ADPRHL1: variants seen among roughly 807,000 people sequenced by gnomAD.
ADPRHL1 encodes the protein ADP-ribosylhydrolase like 1.
A neutral mutation model predicts 44.1 loss-of-function variants in ADPRHL1; 43 were observed. The observed-to-expected ratio is 0.98, with a 90% CI of 0.76 to 1.26. The LOEUF is 1.26. Ranked by LOEUF, ADPRHL1 falls within the 50% of genes most tolerant of loss-of-function variation. The pLI is 0.00. For missense variants in ADPRHL1, 2,022 were observed against 2,496.9 expected (o/e 0.81, Z 4.05); for synonymous variants, 878 against 1,017.4 (o/e 0.86, Z 2.61).
chr13:113,425,098 T>C lies in ADPRHL1; in HGVS notation c.728A>G (p.Asn243Ser). The C allele has an allele frequency of 6.2e-7, 1 of 1,613,686 alleles. No homozygotes were observed. The highest frequency in any genetic ancestry group is 1.1e-5 in the South Asian group (1 of 91,076). Residue 243 changes from asparagine to serine, a missense_variant, in exon 5 of 8, where the codon AAT (asparagine) becomes AGT (serine). Physicochemically the swap from Asn to Ser is conservative, Grantham distance 46. This residue lies in a region of ADPRHL1 where 437 missense variants were observed against 430.7 expected (regional missense o/e 1.01). Coordinates refer to ENST00000612156, the MANE Select transcript of ADPRHL1 (RefSeq NM_001394807.1). ...ATAATTGTCGGGGAAGATGGCTTTA[T>C]TTTCTGAGTCTTTACTGATTTTCCT... is the stretch of plus-strand genomic sequence containing the variant. ...EERKISKDSE[N>S]KAIFPDNYDA...
intron 6 of ADPRHL1, 21 bp downstream of exon 6, chr13:113,424,196 G>T: frequency 1.9e-6 from 3 of 1,612,106 alleles, no homozygotes; most frequent in Non-Finnish European, 2.5e-6. Context: ...AGGAAGCCAC[G>T]GCCATTAAGG....
chr13:113,421,500 G>GC (rs2043922720), intron 7 of ADPRHL1, among the ~76,000 whole-genome samples: 1 of 151,860 alleles, frequency 6.6e-6, no homozygotes, highest in African/African-American at 2.4e-5. Flanking sequence ...CCTGGGACAC[G>GC]CCTGCTCCTT....
rs572003308 is a variant in ADPRHL1, at chr13:113,407,630, A to G, written c.1652T>C (p.Leu551Pro). Residue 551 changes from leucine to proline, a missense_variant, in exon 8 of 8, where the codon CTG becomes CCG. By Grantham distance (98) the Leu-to-Pro change is moderately conservative. Around this residue, in one of 8 missense-constraint regions of ADPRHL1, gnomAD observed 1,221 missense variants for 1,517.8 expected, o/e 0.80. Coordinates refer to ENST00000612156, the MANE Select transcript of ADPRHL1 (RefSeq NM_001394807.1). ...GCTGTTCTGCTCGAACTTCTCCCGC[A>G]GCTTGGACAGCACCGAGCTCTTGCC... ...IMGKSSVLSK[L>P]REKFEQNSCL... The G allele has an allele frequency of 2.4e-6, 3 of 1,232,034 alleles. No individual in the cohort carries two copies. The highest frequency in any genetic ancestry group is 3.1e-5 in the African/African-American group (2 of 64,546). The allele number at this position is 1,232,034 out of a possible 1,614,324, so 76.3% of individuals were successfully genotyped here.
chr13:113,449,355 G>A (rs534955160), intron 1 of ADPRHL1: 252 of 375,764 alleles, frequency 6.7e-4, no homozygotes, highest in African/African-American at 5.3e-3. Context: ...CCTGTTCAGA[G>A]AGACACACCC....
rs117815536 is a variant in ADPRHL1, at chr13:113,404,925, G to A, written c.4357C>T (p.Arg1453Trp). Residue 1453 changes from arginine (R) to tryptophan (W), a missense_variant, in exon 8 of 8, where the codon CGG (arginine) becomes TGG (tryptophan). Arg to Trp is a moderately radical substitution (Grantham distance 101, BLOSUM62 -3). Coordinates refer to ENST00000612156, the MANE Select transcript of ADPRHL1 (RefSeq NM_001394807.1). ...TCTCCCCACGCCGTGCTCCGCCCCC[G>A]CTCCTCCCAGGGTCCCTGCAGATGC... ...QQHLQGPWEE[R>W]GRSTAWGEGT... 21,675 of 1,244,206 alleles carry A rather than the reference G, an allele frequency of 0.017. 214 individuals are homozygous for A. Among genetic ancestry groups the A allele is most frequent in the South Asian group, 0.02 (523 of 26,532 alleles). 77.1% of individuals were successfully genotyped at this position (1,244,206 alleles called of 1,614,324 possible).
chr13:113,430,089 G>A (rs554728485), intron 3 of ADPRHL1, among the ~76,000 whole-genome samples: 8 of 152,338 alleles, frequency 5.3e-5, no homozygotes, highest in Admixed American at 1.3e-4. Flanking sequence ...TGCACCTCAC[G>A]GAGCAGGTGG....
chr13:113,425,481 G>A (rs2043961632), intron 4 of ADPRHL1, among the ~76,000 whole-genome samples: 1 of 152,234 alleles, frequency 6.6e-6, no homozygotes, highest in Non-Finnish European at 1.5e-5. Flanking sequence ...TCGGCTCACT[G>A]CAACCTCTGC....
At chr13:113,419,062 CCTTCACTCCCTCCTTCCTTCCTT>C (rs1430604639) in intron 7 of ADPRHL1, among the ~76,000 whole-genome samples, 11 of 122,130 alleles carry the variant, frequency 9.0e-5, no homozygotes, top group South Asian at 7.0e-4. Flanking sequence ...TCTTCTCCTT[CCTTCACTCCCTCCTTCCTTCCTT>C]CTTCCCTCCC....
chr13:113,405,150 C>G lies in ADPRHL1; in HGVS notation c.4132G>C (p.Gly1378Arg), dbSNP rs1009282630. ...QERPLTQADL[G>R]RQQSHQAQEE... is the part of the protein sequence containing the mutation. ...TGTGCCTGGTGACTCTGTTGCCTCC[C>G]CAGGTCCGCCTGTGTCAGGGGACGC... Residue 1378 changes from glycine to arginine, a missense_variant, in exon 8 of 8, where the codon GGG becomes CGG. Gly to Arg is a moderately radical substitution (Grantham distance 125). Transcript: ENST00000612156. The G allele has an allele frequency of 2.4e-6, 3 of 1,232,014 alleles. No individual in the cohort carries two copies. The highest frequency in any genetic ancestry group is 3.0e-6 in the Non-Finnish European group (3 of 988,162). 76.3% of individuals were successfully genotyped at this position (1,232,014 alleles called of 1,614,324 possible).
intron 6 of ADPRHL1, among the ~76,000 whole-genome samples, chr13:113,423,819 G>A (rs1286949763): frequency 6.6e-6 from 1 of 152,212 alleles, no homozygotes; most frequent in African/African-American, 2.4e-5. Flanking sequence ...ACAAGATGAC[G>A]GTGACCTTGG....
At chr13:113,411,911 C>G (rs2043854833) in intron 7 of ADPRHL1, among the ~76,000 whole-genome samples, 1 of 152,248 alleles carries the variant, frequency 6.6e-6, no homozygotes, top group African/African-American at 2.4e-5. Context: ...CTGCCATTCC[C>G]CTGGGCTGCC....
intron 3 of ADPRHL1, among the ~76,000 whole-genome samples, chr13:113,430,934 A>G (rs2044002723): frequency 6.6e-6 from 1 of 152,206 alleles, no homozygotes; most frequent in Non-Finnish European, 1.5e-5. Flanking sequence ...CCAGGGTGTC[A>G]TCTGCCACTC....
chr13:113,429,145 G>T, intron 3 of ADPRHL1, 53 bp from the exon 4 acceptor site: 6 of 1,567,240 alleles, frequency 3.8e-6, no homozygotes, highest in Non-Finnish European at 5.2e-6. Flanking sequence ...GCTTGGGAGG[G>T]CCTGGGGCCG....
Position 113,441,131 on chromosome 13 carries a change from C to T in ADPRHL1, c.379+3294G>A, listed in dbSNP as rs150601438. 1.5e-3 allele frequency among the ~76,000 whole-genome samples: 222 copies of T among 152,194 alleles called. 1 individual carries two copies. The highest frequency in any genetic ancestry group is 3.1e-3 in the East Asian group (16 of 5,176). ...TTGCGCCACTGCACTCCAATCTGGG[C>T]GACAGAGCAAGACTCCATCTCAAAA... On this transcript the variant is annotated intron_variant, in intron 2 of 7. Transcript: ENST00000612156. The surrounding 1 kb of genome is among the most constrained non-coding windows in gnomAD (Gnocchi z 6.0).
intron 3 of ADPRHL1, among the ~76,000 whole-genome samples, chr13:113,432,660 G>A (rs372312505): frequency 6.6e-6 from 1 of 152,312 alleles, no homozygotes; most frequent in African/African-American, 2.4e-5. Flanking sequence ...CAGACTCAGT[G>A]GGGGTGGGAC....
In ADPRHL1 at chr13:113,453,452, C is replaced by G. The variant is rs757424984; in HGVS notation, c.-15G>C. The G allele has an allele frequency of 1.2e-6, 2 of 1,613,604 alleles. No homozygotes were observed. Among genetic ancestry groups the G allele is most frequent in the South Asian group, 2.2e-5 (2 of 91,060 alleles). On this transcript the variant is annotated 5_prime_UTR_variant, in exon 1 of 8. Coordinates refer to ENST00000612156, the MANE Select transcript of ADPRHL1 (RefSeq NM_001394807.1). This position sits in a 1 kb window ranked among gnomAD's most constrained non-coding sequence, Gnocchi z 5.4. The stretch of plus-strand genomic sequence containing the variant: ...AATTTCTCCATCCCAGGAGGCAGCT[C>G]CTCTTCCCCAACAGCTGCGGAGCGT...
intron 2 of ADPRHL1, among the ~76,000 whole-genome samples, chr13:113,439,494 CTGG>C (rs1399080336): frequency 1.3e-5 from 2 of 148,336 alleles, no homozygotes; most frequent in Non-Finnish European, 3.0e-5. Flanking sequence ...TGTCGCCAGG[CTGG>C]AGTGCAGTGA....
At chr13:113,435,365 G>C (rs1435332496) in intron 2 of ADPRHL1, among the ~76,000 whole-genome samples, 1 of 139,946 alleles carries the variant, frequency 7.1e-6, no homozygotes, top group East Asian at 2.3e-4. Flanking sequence ...CCCAGGCGTA[G>C]AGTGAACATA....
rs2043812976 is a variant in ADPRHL1, at chr13:113,406,855, C to G, written c.2427G>C (p.Lys809Asn). ...PGRDPLFATQ[K>N]YFPEQKVPEH... Reference sequence around the variant, plus strand: ...CCGGCACCTTCTGTTCTGGGAAATACTTCTGGGTGGCAAAGAGGGGGTCTC... The same window carrying G: ...CCGGCACCTTCTGTTCTGGGAAATAGTTCTGGGTGGCAAAGAGGGGGTCTC... The change falls in exon 8 of 8, where the codon AAG becomes AAC. Residue 809 changes from lysine (K) to asparagine (N), a missense_variant. Around this residue, in one of 8 missense-constraint regions of ADPRHL1, gnomAD observed 1,221 missense variants for 1,517.8 expected, o/e 0.80. Transcript: ENST00000612156. 1 of 1,232,262 alleles carries G rather than the reference C, an allele frequency of 8.1e-7. No homozygotes were observed. Among genetic ancestry groups the G allele is most frequent in the African/African-American group, 1.5e-5 (1 of 64,548 alleles). The allele number at this position is 1,232,262 out of a possible 1,614,324, so 76.3% of individuals were successfully genotyped here.
Sources: allele counts gnomAD v4.1 joint callset (sites outside exome capture counted in the v4.1 genomes callset), GRCh38; gene constraint gnomAD v4.1.1; regional missense constraint gnomAD v4.1.1; non-coding constraint Gnocchi (gnomAD v3.1); transcripts MANE v1.5; gene names NCBI Gene and HGNC (gene_info 2026-07-23, HGNC 2026-07-21).